CSMD3: variants seen among roughly 807,000 people sequenced by gnomAD.
CSMD3 encodes the protein CUB and Sushi multiple domains 3.
Under a neutral mutation model 435.2 loss-of-function variants are expected in CSMD3, and 177 were observed. The observed-to-expected ratio is 0.41, with a 90% CI of 0.36 to 0.46. The LOEUF is 0.46. CSMD3 is among the 20% of genes least tolerant of loss of function. The pLI is 0.34. For missense variants in CSMD3, 4,265 were observed against 4,504.6 expected, an observed-to-expected ratio of 0.95 and a Z score of 1.52; for synonymous variants, 1,656 against 1,520.5, an observed-to-expected ratio of 1.09 and a Z score of -2.07.
At chr8:113,215,124 TAGG>T (rs1466098403) in intron 3 of CSMD3, among the ~76,000 whole-genome samples, 2 of 151,820 alleles carry the variant, frequency 1.3e-5, no homozygotes, top group African/African-American at 2.4e-5. Flanking sequence ...TAAAGATAAA[TAGG>T]AGAAGCTCAC....
At chr8:112,295,707 G>C (rs1820191899) in intron 54 of CSMD3, 126 bp downstream of exon 54, 3 of 793,964 alleles carry the variant, frequency 3.8e-6, no homozygotes, top group Non-Finnish European at 6.3e-6. Flanking sequence ...TATCAAATTG[G>C]ATTGTGGAAA....
rs2081245358 is a variant in CSMD3 at position 112,875,141 on chromosome 8, T to A, written c.1634-15875A>T. On this transcript the variant is annotated intron_variant, in intron 10 of 70. Coordinates refer to ENST00000297405, the MANE Select transcript of CSMD3 (RefSeq NM_198123.2). Reference sequence around the variant, plus strand: ...GTGACAAAATCTCTCAGAATTTCCTTGTCTATAAATGATTTTATTTCTCCT... The same window carrying A: ...GTGACAAAATCTCTCAGAATTTCCTAGTCTATAAATGATTTTATTTCTCCT... Among the ~76,000 whole-genome samples the A allele has an allele frequency of 2.0e-5, 3 of 152,266 alleles. No individual in the cohort carries two copies. In the South Asian group the frequency reaches 6.2e-4, roughly 32 times the overall value.
intron 11 of CSMD3, among the ~76,000 whole-genome samples, chr8:112,848,580 G>C (rs578229925): frequency 2.0e-5 from 3 of 151,882 alleles, no homozygotes; most frequent in African/African-American, 7.3e-5. Flanking sequence ...ATAAGGGATG[G>C]GATGAAAAAT....
At chr8:112,949,120 T>C (rs1307701647) in intron 8 of CSMD3, among the ~76,000 whole-genome samples, 1 of 151,952 alleles carries the variant, frequency 6.6e-6, no homozygotes, top group Non-Finnish European at 1.5e-5. Context: ...AAAGTCAAAA[T>C]TGAGAACCAC....
At chr8:112,446,477 C>T (rs1406753127) in intron 32 of CSMD3, among the ~76,000 whole-genome samples, 1 of 152,174 alleles carries the variant, frequency 6.6e-6, no homozygotes, top group Non-Finnish European at 1.5e-5. Flanking sequence ...AAGCAGTTCA[C>T]ACTTTAAGAC....
intron 38 of CSMD3, among the ~76,000 whole-genome samples, chr8:112,367,358 T>C (rs1005169137): frequency 1.3e-5 from 2 of 152,160 alleles, no homozygotes; most frequent in African/African-American, 4.8e-5. Flanking sequence ...GCACTTATGC[T>C]GACCTTGATA....
intron 22 of CSMD3, among the ~76,000 whole-genome samples, chr8:112,615,443 G>A (rs1833592309): frequency 6.6e-6 from 1 of 152,006 alleles, no homozygotes; most frequent in African/African-American, 2.4e-5. Context: ...AATTTTAATT[G>A]AGAGTTTTTT....
In CSMD3 at chr8:112,234,464, G is replaced by C. The variant is rs2129945006; in HGVS notation, c.10641C>G (p.Ser3547Arg). 1 of 1,601,540 alleles carries C rather than the reference G, an allele frequency of 6.2e-7. No homozygotes were observed. The highest frequency in any genetic ancestry group is 8.6e-7 in the Non-Finnish European group (1 of 1,169,142). ...MELLLSGVYK[S>R]QEARLMLRIY... is the part of the protein sequence containing the mutation. The stretch of plus-strand genomic sequence containing the variant: ...TGCGTAACATTAGGCGAGCTTCCTG[G>C]CTTTTATATACCCCTGTAAAATGCA... The change falls in exon 68 of 71, where the codon AGC (serine) becomes AGG (arginine). Residue 3547 changes from serine (S) to arginine (R), a missense_variant. Physicochemically the swap from Ser to Arg is moderately radical, Grantham distance 110. This residue lies in a region of CSMD3 where 3,255 missense variants were observed against 3,380.2 expected (regional missense o/e 0.96). Transcript: ENST00000297405.
chr8:112,609,049 T>C (rs1833022239), intron 22 of CSMD3, among the ~76,000 whole-genome samples: 1 of 150,612 alleles, frequency 6.6e-6, no homozygotes, highest in African/African-American at 2.4e-5. Flanking sequence ...ATCAACAAAA[T>C]GAAAAGACAA....
chr8:113,334,297 A>ATTTTTTTTTTTTT lies in CSMD3; in HGVS notation c.179-19505_179-19504insAAAAAAAAAAAAA, dbSNP rs2094052880. On this transcript the variant is annotated intron_variant, in intron 1 of 70. Transcript: ENST00000297405. The stretch of plus-strand genomic sequence containing the variant: ...TTTAAGTTTTTTTTTTTTTTTTTTC[A>ATTTTTTTTTTTTT]TTTCCAGCCTGTGTACCTGTTACAT... Among the ~76,000 whole-genome samples, 8 of 126,278 alleles carry ATTTTTTTTTTTTT rather than the reference A, an allele frequency of 6.3e-5. 2 individuals are homozygous for ATTTTTTTTTTTTT. Among genetic ancestry groups the ATTTTTTTTTTTTT allele is most frequent in the Non-Finnish European group, 4.8e-5 (3 of 62,488 alleles). The allele number at this position is 126,278 out of a possible 152,430, so 82.8% of individuals were successfully genotyped here. A position where few individuals can be genotyped will look rare whatever the true frequency, so the allele number is the denominator to read the frequency against.
chr8:112,355,463 T>C (rs995164118), intron 38 of CSMD3, among the ~76,000 whole-genome samples: 3 of 152,180 alleles, frequency 2.0e-5, no homozygotes, highest in African/African-American at 7.2e-5. Flanking sequence ...GTTCGTAAGC[T>C]ATGCATCTGA....
chr8:112,289,367 G>A lies in CSMD3; in HGVS notation c.9146C>T (p.Ser3049Leu), dbSNP rs2130654282. The A allele has an allele frequency of 1.9e-6, 3 of 1,612,752 alleles. No homozygotes were observed. Among genetic ancestry groups the A allele is most frequent in the Non-Finnish European group, 2.5e-6 (3 of 1,179,044 alleles). ...GHWSGSQPHC[S>L]GDATGTCGDP... ...TTGTCCAATTTTCCAAGTGGTACCT[G>A]AACAATGAGGTTGTGATCCACTCCA... Residue 3049 changes from serine (S) to leucine (L), a missense_variant and splice_region_variant, in exon 57 of 71, where the codon TCA (serine) becomes TTA (leucine). Physicochemically the swap from Ser to Leu is moderately radical, Grantham distance 145. Coordinates refer to ENST00000297405, the MANE Select transcript of CSMD3 (RefSeq NM_198123.2).
At chr8:113,307,198 T>C (rs1044236248) in intron 2 of CSMD3, among the ~76,000 whole-genome samples, 1 of 152,132 alleles carries the variant, frequency 6.6e-6, no homozygotes, top group South Asian at 2.1e-4. Context: ...GGAAAAAACT[T>C]AGTTTATCAA....
intron 27 of CSMD3, among the ~76,000 whole-genome samples, chr8:112,547,724 T>G (rs1827309130): frequency 6.6e-6 from 1 of 152,044 alleles, no homozygotes; most frequent in Non-Finnish European, 1.5e-5. Flanking sequence ...ATGAGCAGAA[T>G]TTAAGCACAT....
intron 22 of CSMD3, among the ~76,000 whole-genome samples, chr8:112,626,046 A>T (rs982233366): frequency 1.1e-4 from 17 of 152,126 alleles, no homozygotes; most frequent in Non-Finnish European, 1.5e-4. Flanking sequence ...GAATGACTTC[A>T]GCTACTTTAT....
At chr8:112,319,065 A>G in intron 46 of CSMD3, 115 bp from the exon 47 acceptor site, 1 of 719,954 alleles carries the variant, frequency 1.4e-6, no homozygotes, top group Non-Finnish European at 2.5e-6. Context: ...ATCAGTATAA[A>G]AATGTTATTA....
intron 10 of CSMD3, among the ~76,000 whole-genome samples, chr8:112,913,572 C>T (rs546343221): frequency 6.6e-6 from 1 of 151,892 alleles, no homozygotes; most frequent in Non-Finnish European, 1.5e-5. Flanking sequence ...TCTTGGCGCC[C>T]ACCCTTGAGA....
chr8:113,239,766 C>T (rs542618395), intron 3 of CSMD3, among the ~76,000 whole-genome samples: 1 of 151,988 alleles, frequency 6.6e-6, no homozygotes, highest in African/African-American at 2.4e-5. Flanking sequence ...CTCATGAGGT[C>T]TCAGAAAGAA....
At chr8:112,905,321 T>TATATAC (rs5894119) in intron 10 of CSMD3, among the ~76,000 whole-genome samples, 2,740 of 145,640 alleles carry the variant, frequency 0.019, 50 homozygotes, top group African/African-American at 0.048. Flanking sequence ...TATATATATA[T>TATATAC]ACACACACAC....
Sources: gnomAD v4.1 joint callset for allele counts (sites outside exome capture counted in the v4.1 genomes callset) on GRCh38, gnomAD v4.1.1 for gene constraint, gnomAD v4.1.1 regional missense constraint, MANE v1.5 for transcripts, NCBI Gene and HGNC (gene_info 2026-07-23, HGNC 2026-07-21) for gene names.